SHANK2: variants seen among roughly 807,000 people sequenced by gnomAD.
SHANK2 encodes SH3 and multiple ankyrin repeat domains protein 2.
SHANK2 carries 43 observed loss-of-function variants against 133.7 expected under a neutral mutation model. That is an observed-to-expected ratio of 0.32 (90% CI 0.25 to 0.41). SHANK2 has a LOEUF of 0.41. Ranked by LOEUF, SHANK2 falls within the 10% of genes least tolerant of loss-of-function variation. The pLI is 1.00. For synonymous variants in SHANK2, 1,017 were observed against 952.8 expected, an observed-to-expected ratio of 1.07 and a Z score of -1.24; for missense variants, 1,994 against 2,235.8, an observed-to-expected ratio of 0.89 and a Z score of 2.18.
intron 14 of SHANK2, among the ~76,000 whole-genome samples, chr11:70,699,577 A>T (rs1945476217): frequency 6.6e-6 from 1 of 152,188 alleles, no homozygotes; most frequent in Non-Finnish European, 1.5e-5. Flanking sequence ...AACTCTGTAA[A>T]CAACCTTCTC....
chr11:70,822,759 C>A (rs9735181), intron 11 of SHANK2, among the ~76,000 whole-genome samples: 4,029 of 46,162 alleles, frequency 0.087, 578 homozygotes, highest in Admixed American at 0.15. Context: ...AGAGGTGGCG[C>A]TGGCAGAGGT....
At chr11:71,093,058 G>GC (rs1555094493) in intron 7 of SHANK2, among the ~76,000 whole-genome samples, 3 of 144,314 alleles carry the variant, frequency 2.1e-5, no homozygotes, top group South Asian at 2.4e-4. Context: ...TAAAGGGGGG[G>GC]GGGGGCAGGT....
At chr11:71,190,697 G>A (rs1346804964) in intron 2 of SHANK2, among the ~76,000 whole-genome samples, 1 of 152,178 alleles carries the variant, frequency 6.6e-6, no homozygotes, top group East Asian at 1.9e-4. Context: ...CAGGACATGG[G>A]AACAAGGGCT....
At position 71,082,909 on chromosome 11, in the gene SHANK2, C is replaced by A. The variant is rs944591722; in HGVS notation, c.913-7634G>T. ...GGGCTGGGAGCAGGTGTGGTAGGCA[C>A]TCTCTGAATACAACGGATTGTTTCT... On this transcript the variant is annotated intron_variant, in intron 8 of 25. Coordinates refer to ENST00000601538, the MANE Select transcript of SHANK2 (RefSeq NM_012309.5). Among the ~76,000 whole-genome samples the A allele has an allele frequency of 2.8e-4, 43 of 152,090 alleles. 1 individual carries two copies. Among genetic ancestry groups the A allele is most frequent in the Admixed American group, 2.4e-3 (37 of 15,266 alleles).
intron 15 of SHANK2, among the ~76,000 whole-genome samples, chr11:70,674,850 C>T (rs1260860223): frequency 6.6e-6 from 1 of 152,208 alleles, no homozygotes; most frequent in Non-Finnish European, 1.5e-5. Flanking sequence ...CAAAAACAGG[C>T]AATGGGCCAG....
chr11:70,817,228 G>A (rs1948418260), intron 12 of SHANK2, among the ~76,000 whole-genome samples: 1 of 152,186 alleles, frequency 6.6e-6, no homozygotes, highest in Admixed American at 6.5e-5. Flanking sequence ...CAGTGCCACT[G>A]GCAGGTCCTA....
intron 2 of SHANK2, among the ~76,000 whole-genome samples, chr11:71,183,055 G>A (rs1953591814): frequency 6.6e-6 from 1 of 152,182 alleles, no homozygotes; most frequent in African/African-American, 2.4e-5. Flanking sequence ...GAGCTCACTT[G>A]TTAGCCAGCC....
At chr11:70,636,911 T>C (rs893591735) in intron 17 of SHANK2, among the ~76,000 whole-genome samples, 5 of 152,132 alleles carry the variant, frequency 3.3e-5, no homozygotes, top group Admixed American at 6.6e-5. Context: ...TGTGTGAACA[T>C]GTGTACCGTT....
intron 25 of SHANK2, among the ~76,000 whole-genome samples, chr11:70,483,162 C>A (rs1292442103): frequency 6.6e-6 from 1 of 152,142 alleles, no homozygotes; most frequent in Non-Finnish European, 1.5e-5. Context: ...GTCAGGAAAC[C>A]CCAGCCTGTG....
chr11:70,641,920 G>C (rs565148253), intron 17 of SHANK2, among the ~76,000 whole-genome samples: 189 of 152,342 alleles, frequency 1.2e-3, no homozygotes, highest in African/African-American at 4.4e-3. Flanking sequence ...AGCACAAAAG[G>C]GCCAATCTCT....
intron 11 of SHANK2, among the ~76,000 whole-genome samples, chr11:70,831,250 T>C (rs539000430): frequency 6.6e-6 from 1 of 152,074 alleles, no homozygotes; most frequent in East Asian, 1.9e-4. Context: ...CGCCCACCCA[T>C]CTCAAAACGC....
intron 14 of SHANK2, among the ~76,000 whole-genome samples, chr11:70,735,811 G>T (rs1555033407): frequency 6.6e-6 from 1 of 151,844 alleles, no homozygotes; most frequent in African/African-American, 2.4e-5. Flanking sequence ...CCATGCACTG[G>T]CCCAACTTGA....
rs782693810 is a variant in SHANK2 at position 71,092,545 on chromosome 11, G to A, written c.789C>T (p.Tyr263=). 1.7e-5 allele frequency: 27 copies of A among 1,551,818 alleles called. No individual in the cohort carries two copies. Among genetic ancestry groups the A allele is most frequent in the South Asian group, 5.9e-5 (5 of 84,066 alleles). The change falls in exon 8 of 26, where the codon TAC becomes TAT. Residue 263 remains tyrosine, a synonymous_variant. Coordinates refer to ENST00000601538, the MANE Select transcript of SHANK2 (RefSeq NM_012309.5). The part of the protein sequence containing the change: ...LGASPDYKDS[Y]GLTPLYHTAI... ...CTGTGTGATACAGCGGGGTGAGGCC[G>A]TAACTGTCTTTATAATCTGGGGATG...
intron 17 of SHANK2, among the ~76,000 whole-genome samples, chr11:70,575,883 C>A (rs960562213): frequency 2.0e-5 from 3 of 151,628 alleles, no homozygotes; most frequent in Non-Finnish European, 4.4e-5. Context: ...TAGGCTGGGG[C>A]CCTGGTAGGT....
intron 5 of SHANK2, among the ~76,000 whole-genome samples, chr11:71,112,116 G>A (rs1391349934): frequency 3.9e-5 from 6 of 152,188 alleles, no homozygotes; most frequent in South Asian, 2.1e-4. Flanking sequence ...GAATCCTGCC[G>A]GGCACAGTGG....
intron 14 of SHANK2, among the ~76,000 whole-genome samples, chr11:70,760,280 C>A (rs989661918): frequency 1.3e-5 from 2 of 152,226 alleles, no homozygotes; most frequent in Non-Finnish European, 2.9e-5. Context: ...CCCGTTCCAC[C>A]CTCACCTCCT....
intron 15 of SHANK2, among the ~76,000 whole-genome samples, chr11:70,664,450 C>T (rs1280214483): frequency 6.6e-6 from 1 of 152,214 alleles, no homozygotes; most frequent in Non-Finnish European, 1.5e-5. Context: ...GCAAGAGGAG[C>T]TGCTGAGGGT....
chr11:71,147,863 C>G (rs1273439902), intron 2 of SHANK2, among the ~76,000 whole-genome samples: 3 of 152,224 alleles, frequency 2.0e-5, no homozygotes, highest in Non-Finnish European at 4.4e-5. Context: ...CGTGTAAAAA[C>G]AGAACAAAAG....
intron 3 of SHANK2, among the ~76,000 whole-genome samples, chr11:71,126,405 A>G (rs78289107): frequency 0.021 from 3,183 of 152,254 alleles, 101 homozygotes; most frequent in African/African-American, 0.069. Context: ...CTCCTTGACA[A>G]TGTACCTGGT....
Sources: gnomAD v4.1 joint callset for allele counts (sites outside exome capture counted in the v4.1 genomes callset) on GRCh38, gnomAD v4.1.1 for gene constraint, MANE v1.5 for transcripts, NCBI Gene and HGNC (gene_info 2026-07-23, HGNC 2026-07-21) for gene names.